Variants in KLHDC4 observed in about 807,000 individuals in gnomAD.
KLHDC4 encodes the protein kelch domain containing 4, also known as kelch domain-containing protein 4.
Under a neutral mutation model 62.4 loss-of-function variants are expected in KLHDC4, and 90 were observed. That is an observed-to-expected ratio of 1.44 (90% CI 1.22 to 1.72). KLHDC4 has a LOEUF of 1.72. KLHDC4 is among the 40% of genes most tolerant of loss of function. The pLI is 0.00. For synonymous variants in KLHDC4, 386 were observed against 284.4 expected (o/e 1.36, Z -3.59); for missense variants, 1,025 against 699.7 (o/e 1.47, Z -5.25).
chr16:87,711,980 G>T (rs1043020459), intron 8 of KLHDC4, among the ~76,000 whole-genome samples: 1 of 136,506 alleles, frequency 7.3e-6, no homozygotes, highest in African/African-American at 3.2e-5. Context: ...TTCGCCCAGG[G>T]GGCTGAATGC....
At chr16:87,730,754 G>A (rs550221092) in intron 5 of KLHDC4, 110 bp from the exon 6 acceptor site, 1 of 866,522 alleles carries the variant, frequency 1.2e-6, no homozygotes, top group Non-Finnish European at 1.9e-6. Context: ...TGTTTTGTGA[G>A]CACTTACTGC....
chr16:87,715,898 G>C (rs557046235), intron 7 of KLHDC4, among the ~76,000 whole-genome samples: 1 of 152,340 alleles, frequency 6.6e-6, no homozygotes, highest in South Asian at 2.1e-4. Context: ...GTGCCTCATG[G>C]ATACTGACAC....
chr16:87,709,962 C>T (rs1280627456), intron 9 of KLHDC4: 10 of 415,314 alleles, frequency 2.4e-5, no homozygotes, highest in Non-Finnish European at 1.3e-5. Context: ...ACAGGCCCAC[C>T]AGACCCCACA....
intron 1 of KLHDC4, 134 bp from the exon 2 acceptor site, chr16:87,762,174 CT>C: frequency 6.8e-7 from 1 of 1,477,764 alleles, no homozygotes; most frequent in Non-Finnish European, 8.9e-7. Flanking sequence ...CATACTGTGC[CT>C]GTTTGAAATG....
intron 2 of KLHDC4, among the ~76,000 whole-genome samples, chr16:87,760,244 A>AG (rs1429350095): frequency 6.6e-6 from 1 of 151,188 alleles, no homozygotes; most frequent in Non-Finnish European, 1.5e-5. Context: ...TAAAAAAAAA[A>AG]AAAAAGAAAA....
At chr16:87,706,808 G>A (rs961998249), downstream of KLHDC4, among the ~76,000 whole-genome samples, 1 of 152,178 alleles carries the variant, frequency 6.6e-6, no homozygotes, top group African/African-American at 2.4e-5. Flanking sequence ...TCAAGCCATC[G>A]CCCCAAGGTG....
intron 2 of KLHDC4, among the ~76,000 whole-genome samples, chr16:87,761,062 A>G (rs2143455857): frequency 6.6e-6 from 1 of 152,326 alleles, no homozygotes; most frequent in South Asian, 2.1e-4. Flanking sequence ...CATTTACCAC[A>G]TGTAACTTAC....
At chr16:87,763,590 G>C (rs537492308) in intron 1 of KLHDC4, 2 of 152,194 alleles carry the variant, frequency 1.3e-5, no homozygotes, top group African/African-American at 4.8e-5. Flanking sequence ...CTGGGTGACA[G>C]AGCAGGACTC....
intron 5 of KLHDC4, 108 bp downstream of exon 5, chr16:87,748,565 A>C (rs997750662): frequency 7.1e-7 from 1 of 1,413,234 alleles, no homozygotes; most frequent in African/African-American, 1.4e-5. Context: ...ACTGTGACCC[A>C]AGTTCCTCTG....
At chr16:87,708,913 G>T (rs1282921606) in intron 10 of KLHDC4, among the ~76,000 whole-genome samples, 2 of 152,266 alleles carry the variant, frequency 1.3e-5, no homozygotes, top group Non-Finnish European at 2.9e-5. Context: ...AGGGGCCCTG[G>T]GTCAGGCAGC....
In KLHDC4 at chr16:87,765,872, T is replaced by C. The variant is rs752395417; in HGVS notation, c.19A>G (p.Lys7Glu). MGKKGK[K>E]EKKGRGAEKT... The stretch of plus-strand genomic sequence containing the variant: ...TCCGCGCCGCGGCCCTTCTTCTCCT[T>C]CTTGCCCTTCTTGCCCATCTTGCCG... Residue 7 changes from lysine (K) to glutamate (E), a missense_variant, in exon 1 of 12, where the codon AAG (lysine) becomes GAG (glutamate). Lys to Glu is a moderately conservative substitution (Grantham distance 56, BLOSUM62 1). Transcript: ENST00000270583. 2.0e-5 allele frequency: 31 copies of C among 1,550,734 alleles called. No individual in the cohort carries two copies. The highest frequency in any genetic ancestry group is 2.5e-5 in the Non-Finnish European group (29 of 1,146,404).
intron 10 of KLHDC4, among the ~76,000 whole-genome samples, chr16:87,709,027 G>A (rs557199021): frequency 2.7e-4 from 41 of 152,326 alleles, no homozygotes; most frequent in African/African-American, 6.5e-4. Context: ...GTCCTGTGCC[G>A]CCAGAGCCGC....
chr16:87,718,368 A>C (rs1597449118), intron 7 of KLHDC4, among the ~76,000 whole-genome samples: 4 of 59,166 alleles, frequency 6.8e-5, no homozygotes, highest in Non-Finnish European at 9.6e-5. Flanking sequence ...CTCTCCCTCC[A>C]CAGTCTCCCT....
At chr16:87,761,586 A>G (rs753998440) in intron 2 of KLHDC4, among the ~76,000 whole-genome samples, 6 of 152,260 alleles carry the variant, frequency 3.9e-5, no homozygotes, top group Non-Finnish European at 7.3e-5. Context: ...CAAACACATC[A>G]AAAGGCCACA....
At chr16:87,753,216 C>T (rs2044300598) in intron 4 of KLHDC4, among the ~76,000 whole-genome samples, 1 of 152,214 alleles carries the variant, frequency 6.6e-6, no homozygotes, top group Non-Finnish European at 1.5e-5. Context: ...AGTCTCTGTA[C>T]ACTAAACTGC....
chr16:87,730,978 AACAG>A (rs754728847), intron 5 of KLHDC4: 29 of 178,030 alleles, frequency 1.6e-4, no homozygotes, highest in Non-Finnish European at 2.7e-4. Context: ...AAAGACAAGC[AACAG>A]ACAGAGAAAT....
chr16:87,716,196 C>A (rs896768392), intron 7 of KLHDC4, among the ~76,000 whole-genome samples: 7 of 149,750 alleles, frequency 4.7e-5, no homozygotes, highest in African/African-American at 7.3e-5. Context: ...TTTGGGTACA[C>A]GCTATGGTCT....
chr16:87,729,397 T>A (rs561528992), intron 6 of KLHDC4: 6 of 152,282 alleles, frequency 3.9e-5, no homozygotes, highest in African/African-American at 1.4e-4. Flanking sequence ...GGGCTTCAAA[T>A]GAGGCCCCGG....
Position 87,761,941 on chromosome 16 carries a change from T to C in KLHDC4, c.191+8A>G, listed in dbSNP as rs1567843302. Reference sequence around the variant, plus strand: ...AAACATACAATATGAAAAATGCTACTTGCTCACCTTGGTGAGGGTGGGGGG... The same window carrying C: ...AAACATACAATATGAAAAATGCTACCTGCTCACCTTGGTGAGGGTGGGGGG... On this transcript the variant is annotated splice_region_variant and intron_variant, in intron 2 of 11. Coordinates refer to ENST00000270583, the MANE Select transcript of KLHDC4 (RefSeq NM_017566.4). The C allele has an allele frequency of 6.2e-7, 1 of 1,612,474 alleles. No individual in the cohort carries two copies.
Sources: allele counts gnomAD v4.1 joint callset (sites outside exome capture counted in the v4.1 genomes callset), GRCh38; gene constraint gnomAD v4.1.1; transcripts MANE v1.5; gene names NCBI Gene and HGNC (gene_info 2026-07-23, HGNC 2026-07-21).